Variants in MEOX2 observed in about 807,000 individuals in gnomAD.
The protein encoded by MEOX2 is homeobox protein MOX-2.
Under a neutral mutation model 27.0 loss-of-function variants are expected in MEOX2, and 11 were observed. The observed-to-expected ratio is 0.41, with a 90% CI of 0.26 to 0.68. The LOEUF (loss-of-function observed/expected upper bound fraction) is 0.68. Among genes scored for constraint, MEOX2 ranks in the 30% least tolerant of loss-of-function variants. MEOX2 has a pLI of 0.33. For synonymous variants in MEOX2, 189 were observed against 155.4 expected (o/e 1.22, Z -1.61); for missense variants, 436 against 385.4 (o/e 1.13, Z -1.10).
In MEOX2 at chr7:15,686,481, G is replaced by C; in HGVS notation, c.-79C>G. The stretch of plus-strand genomic sequence containing the variant: ...ACCACCCTCTGTCACTTTTTCACTG[G>C]AAACCGTGTGATTTTTTTTTTAACC... On this transcript the variant is annotated 5_prime_UTR_variant, in exon 1 of 3. Transcript: ENST00000262041. The C allele has an allele frequency of 1.6e-6, 2 of 1,288,580 alleles. No homozygotes were observed. The highest frequency in any genetic ancestry group is 2.1e-6 in the Non-Finnish European group (2 of 964,338). 79.8% of individuals were successfully genotyped at this position (1,288,580 alleles called of 1,614,324 possible).
chr7:15,678,183 A>T (rs1174943290), intron 1 of MEOX2, among the ~76,000 whole-genome samples: 3 of 152,200 alleles, frequency 2.0e-5, no homozygotes, highest in African/African-American at 2.4e-5. Context: ...TTCAAATAAG[A>T]AAAAGAAATT....
chr7:15,672,634 C>T (rs1782119155), intron 1 of MEOX2, among the ~76,000 whole-genome samples: 2 of 151,862 alleles, frequency 1.3e-5, no homozygotes. Context: ...GGCTCACACC[C>T]ATAATCCCAA....
chr7:15,675,106 A>G (rs1782171161), intron 1 of MEOX2, among the ~76,000 whole-genome samples: 1 of 152,182 alleles, frequency 6.6e-6, no homozygotes, highest in Admixed American at 6.5e-5. Flanking sequence ...ATTTTTAAAC[A>G]AAAAACAGAT....
intron 2 of MEOX2, 47 bp from the exon 3 acceptor site, chr7:15,612,658 A>G (rs752571631): frequency 6.4e-7 from 1 of 1,555,948 alleles, no homozygotes; most frequent in Non-Finnish European, 8.9e-7. Flanking sequence ...AGAGATAATT[A>G]AAGTGACATT....
intron 1 of MEOX2, among the ~76,000 whole-genome samples, chr7:15,653,773 T>C (rs1330189767): frequency 6.6e-6 from 1 of 151,992 alleles, no homozygotes; most frequent in Non-Finnish European, 1.5e-5. Flanking sequence ...TTTCCATTAA[T>C]ATATGTTTCT....
intron 1 of MEOX2, among the ~76,000 whole-genome samples, chr7:15,674,267 C>T (rs1172587129): frequency 6.6e-6 from 1 of 152,064 alleles, no homozygotes; most frequent in Admixed American, 6.6e-5. Flanking sequence ...TTGTATTATT[C>T]TGCAGCATTT....
intron 2 of MEOX2, among the ~76,000 whole-genome samples, chr7:15,622,507 T>C (rs2115357398): frequency 6.6e-6 from 1 of 152,274 alleles, no homozygotes; most frequent in Non-Finnish European, 1.5e-5. Context: ...AGGTTAGATG[T>C]AATATTCCTT....
At chr7:15,619,783 C>T (rs780430274) in intron 2 of MEOX2, among the ~76,000 whole-genome samples, 7 of 151,858 alleles carry the variant, frequency 4.6e-5, no homozygotes, top group South Asian at 2.1e-4. Flanking sequence ...ATAAAGGTAA[C>T]GTTTATTTTT....
intron 1 of MEOX2, among the ~76,000 whole-genome samples, chr7:15,637,622 G>C (rs1217615186): frequency 6.6e-6 from 1 of 151,944 alleles, no homozygotes; most frequent in East Asian, 1.9e-4. Flanking sequence ...GTAGTATCCA[G>C]TTTTTAAAGT....
intron 2 of MEOX2, among the ~76,000 whole-genome samples, chr7:15,619,235 A>T (rs1006167520): frequency 1.3e-5 from 2 of 151,860 alleles, no homozygotes; most frequent in African/African-American, 4.8e-5. Context: ...CAGTTTTAGA[A>T]TTTTTTTTAA....
intron 1 of MEOX2, among the ~76,000 whole-genome samples, chr7:15,667,469 C>G (rs184393856): frequency 4.7e-4 from 71 of 152,028 alleles, no homozygotes; most frequent in Non-Finnish European, 7.2e-4. Flanking sequence ...CCCTATTGTA[C>G]TGCGGACGCT....
intron 1 of MEOX2, among the ~76,000 whole-genome samples, chr7:15,646,066 A>C (rs778599041): frequency 4.6e-5 from 7 of 152,082 alleles, no homozygotes; most frequent in Non-Finnish European, 7.4e-5. Context: ...TCTGCATTAA[A>C]ACCCTATATT....
chr7:15,632,275 A>G (rs1781416621), intron 1 of MEOX2, among the ~76,000 whole-genome samples: 1 of 151,854 alleles, frequency 6.6e-6, no homozygotes, highest in African/African-American at 2.4e-5. Flanking sequence ...TGCATAGTAC[A>G]TAACTCATTT....
intron 1 of MEOX2, chr7:15,680,099 T>C (rs931484220): frequency 1.3e-5 from 2 of 151,822 alleles, no homozygotes; most frequent in African/African-American, 4.8e-5. Context: ...TAGAGGAAAA[T>C]TAAAAACCCA....
chr7:15,647,679 A>G (rs879758573), intron 1 of MEOX2, among the ~76,000 whole-genome samples: 8 of 152,106 alleles, frequency 5.3e-5, no homozygotes, highest in Non-Finnish European at 1.2e-4. Flanking sequence ...CTTTATAATT[A>G]TTTGTAACAG....
intron 1 of MEOX2, among the ~76,000 whole-genome samples, chr7:15,667,289 CA>C (rs532691969): frequency 1.5e-3 from 60 of 40,976 alleles, no homozygotes; most frequent in South Asian, 0.011. Flanking sequence ...GACTCTGTCT[CA>C]AAAAAAAAAA....
At chr7:15,642,185 A>G (rs1463315460) in intron 1 of MEOX2, among the ~76,000 whole-genome samples, 2 of 152,110 alleles carry the variant, frequency 1.3e-5, no homozygotes, top group Non-Finnish European at 2.9e-5. Context: ...ATTTTCTTGA[A>G]TTATCCCTTC....
At chr7:15,672,748 C>T (rs991916462) in intron 1 of MEOX2, among the ~76,000 whole-genome samples, 12 of 151,560 alleles carry the variant, frequency 7.9e-5, no homozygotes, top group Non-Finnish European at 1.3e-4. Context: ...AAAAATTAGC[C>T]GGGTATGGTG....
chr7:15,624,249 C>T (rs1781263090), intron 2 of MEOX2, among the ~76,000 whole-genome samples: 1 of 152,158 alleles, frequency 6.6e-6, no homozygotes, highest in Admixed American at 6.5e-5. Context: ...TGCATGTATA[C>T]ATCTTTTCAC....
Sources: allele counts gnomAD v4.1 joint callset (sites outside exome capture counted in the v4.1 genomes callset), GRCh38; gene constraint gnomAD v4.1.1; transcripts MANE v1.5; gene names NCBI Gene and HGNC (gene_info 2026-07-23, HGNC 2026-07-21).